Variants in WWOX observed in about 807,000 individuals in gnomAD.
WWOX encodes the protein WW domain-containing oxidoreductase.
WWOX carries 69 observed loss-of-function variants against 46.2 expected under a neutral mutation model. The observed-to-expected ratio is 1.49, with a 90% CI of 1.23 to 1.82. The LOEUF is 1.82. WWOX is among the 40% of genes most tolerant of loss of function. The pLI, the probability that WWOX is intolerant of heterozygous loss-of-function variation, is 0.00. For missense variants in WWOX, 919 were observed against 542.6 expected (o/e 1.69, Z -6.89); for synonymous variants, 359 against 202.6 (o/e 1.77, Z -6.56).
intron 8 of WWOX, among the ~76,000 whole-genome samples, chr16:79,131,705 A>G (rs16949655): frequency 0.43 from 64,787 of 149,418 alleles, 14,721 homozygotes; most frequent in African/African-American, 0.63. Context: ...CAAAAACAGG[A>G]CATGGGTGAT....
chr16:79,028,200 T>C (rs185244399), intron 8 of WWOX, among the ~76,000 whole-genome samples: 2 of 151,866 alleles, frequency 1.3e-5, no homozygotes, highest in South Asian at 2.1e-4. Context: ...CCACCTGCCT[T>C]GGCCTCCCAA....
At chr16:78,627,628 A>G (rs187582660) in intron 8 of WWOX, among the ~76,000 whole-genome samples, 360 of 152,362 alleles carry the variant, frequency 2.4e-3, no homozygotes, top group African/African-American at 8.3e-3. Flanking sequence ...AAATAGGAAG[A>G]CAAAGAATGA....
At chr16:78,442,768 T>C (rs1346156557) in intron 8 of WWOX, among the ~76,000 whole-genome samples, 4 of 150,796 alleles carry the variant, frequency 2.7e-5, no homozygotes, top group East Asian at 4.0e-4. Context: ...TCACCTGAGG[T>C]TGGGAGTTCG....
At chr16:78,207,550 C>T (rs956498583) in intron 5 of WWOX, among the ~76,000 whole-genome samples, 3 of 149,128 alleles carry the variant, frequency 2.0e-5, no homozygotes, top group African/African-American at 7.4e-5. Flanking sequence ...AGTAGCTTCT[C>T]ATTTTAATTT....
intron 4 of WWOX, among the ~76,000 whole-genome samples, chr16:78,158,365 A>T (rs1414715621): frequency 1.3e-5 from 2 of 152,138 alleles, no homozygotes; most frequent in African/African-American, 4.8e-5. Context: ...ACTGTACTCT[A>T]TAGGGTCTTC....
intron 8 of WWOX, among the ~76,000 whole-genome samples, chr16:78,623,327 T>A (rs1355834314): frequency 6.6e-6 from 1 of 152,152 alleles, no homozygotes; most frequent in Non-Finnish European, 1.5e-5. Flanking sequence ...GCACAGCAAG[T>A]TCTAAGTTAC....
At chr16:78,406,974 T>C (rs2082564596) in intron 6 of WWOX, among the ~76,000 whole-genome samples, 1 of 152,178 alleles carries the variant, frequency 6.6e-6, no homozygotes, top group Non-Finnish European at 1.5e-5. Context: ...TAAAATCATC[T>C]TGTTTTGCTA....
At chr16:78,983,700 G>T (rs77706474) in intron 8 of WWOX, among the ~76,000 whole-genome samples, 1 of 152,024 alleles carries the variant, frequency 6.6e-6, no homozygotes, top group South Asian at 2.1e-4. Context: ...GAATGACTGC[G>T]TGGAGCACAT....
chr16:78,545,916 C>T lies in WWOX; in HGVS notation c.1056+113164C>T, dbSNP rs565515407. On this transcript the variant is annotated intron_variant, in intron 8 of 8. Transcript: ENST00000566780. ...CCAGTCCTCTTGGATTAGGGCACCA[C>T]GCTTATGACATCATTTAACTTAGTT... Among the ~76,000 whole-genome samples, 527 of 152,224 alleles carry T rather than the reference C, an allele frequency of 3.5e-3. 3 individuals carry two copies. Among genetic ancestry groups the T allele is most frequent in the African/African-American group, 0.012 (494 of 41,542 alleles).
At chr16:79,195,090 A>G (rs1394456333) in intron 8 of WWOX, among the ~76,000 whole-genome samples, 1 of 152,120 alleles carries the variant, frequency 6.6e-6, no homozygotes, top group African/African-American at 2.4e-5. Flanking sequence ...GTGTGAGCAT[A>G]CCCGTATCTC....
intron 8 of WWOX, among the ~76,000 whole-genome samples, chr16:79,127,253 C>G (rs940468555): frequency 2.0e-5 from 3 of 152,012 alleles, no homozygotes; most frequent in Admixed American, 1.3e-4. Flanking sequence ...TACCCCTTTC[C>G]TTTAGCACCT....
intron 8 of WWOX, among the ~76,000 whole-genome samples, chr16:79,153,762 T>G (rs1017694164): frequency 4.2e-4 from 63 of 150,594 alleles, no homozygotes; most frequent in South Asian, 2.3e-3. Flanking sequence ...TTGGGGGGGG[T>G]TTTTTGTTGT....
intron 8 of WWOX, among the ~76,000 whole-genome samples, chr16:79,084,995 A>G (rs2150588371): frequency 6.6e-6 from 1 of 152,088 alleles, no homozygotes; most frequent in South Asian, 2.1e-4. Flanking sequence ...GCACAATTAT[A>G]GCTCACCACA....
At chr16:78,389,492 G>A (rs957650517) in intron 6 of WWOX, among the ~76,000 whole-genome samples, 1 of 152,192 alleles carries the variant, frequency 6.6e-6, no homozygotes. Flanking sequence ...GACAAGAACA[G>A]CAGCGGAGTC....
intron 8 of WWOX, chr16:79,090,042 C>T (rs1046309213): frequency 1.3e-5 from 2 of 151,522 alleles, no homozygotes; most frequent in African/African-American, 2.4e-5. Flanking sequence ...GGGCAGGAGG[C>T]TGTTTTCAGT....
chr16:78,472,459 C>A (rs1000110440), intron 8 of WWOX, among the ~76,000 whole-genome samples: 2 of 152,078 alleles, frequency 1.3e-5, no homozygotes, highest in Admixed American at 6.5e-5. Context: ...ATTTCTCTTG[C>A]TTTTCTCTAA....
In WWOX at chr16:78,577,953, A is replaced by T. The variant is rs75009663; in HGVS notation, c.1056+145201A>T. Reference sequence around the variant, plus strand: ...CTTGTGGCCACAGTTTTTCCAGATAACCAAGACTCACTAATATTTTCACAA... The same window carrying T: ...CTTGTGGCCACAGTTTTTCCAGATATCCAAGACTCACTAATATTTTCACAA... On this transcript the variant is annotated intron_variant, in intron 8 of 8. Transcript: ENST00000566780. Among the ~76,000 whole-genome samples the T allele has an allele frequency of 2.6e-5, 4 of 151,994 alleles. No individual in the cohort carries two copies. In the East Asian group the frequency reaches 5.8e-4, roughly 22 times the overall value.
chr16:78,247,779 C>T (rs2037858709), intron 5 of WWOX, among the ~76,000 whole-genome samples: 1 of 152,166 alleles, frequency 6.6e-6, no homozygotes, highest in African/African-American at 2.4e-5. Flanking sequence ...TGTTCCCTTA[C>T]CTTTCACCCA....
intron 6 of WWOX, among the ~76,000 whole-genome samples, chr16:78,393,202 T>G (rs887461090): frequency 6.6e-6 from 1 of 152,230 alleles, no homozygotes; most frequent in Non-Finnish European, 1.5e-5. Flanking sequence ...TGGGGTTTTC[T>G]GAAATGGACT....
Sources: allele counts gnomAD v4.1 joint callset (sites outside exome capture counted in the v4.1 genomes callset), GRCh38; gene constraint gnomAD v4.1.1; transcripts MANE v1.5; gene names NCBI Gene and HGNC (gene_info 2026-07-23, HGNC 2026-07-21).